The following DAB1 variants were observed in gnomAD, a reference collection of about 807,000 sequenced individuals.
DAB1 encodes the protein DAB adaptor protein 1.
In DAB1, 15 loss-of-function variants were observed where a neutral mutation model predicts 64.6. The ratio of observed to expected loss-of-function variants is 0.23; its 90% CI spans 0.16 to 0.36. The LOEUF is 0.36. DAB1 is among the 10% of genes least tolerant of loss of function. The pLI, the probability that DAB1 is intolerant of heterozygous loss-of-function variation, is 1.00. For synonymous variants in DAB1, 235 were observed against 251.9 expected (o/e 0.93, Z 0.64); for missense variants, 596 against 706.7 (o/e 0.84, Z 1.78).
At chr1:57,690,257 CT>C (rs1394170860) in intron 6 of DAB1, among the ~76,000 whole-genome samples, 1 of 152,114 alleles carries the variant, frequency 6.6e-6, no homozygotes. Context: ...GATTTCCTTT[CT>C]TTGGGTATTG....
intron 5 of DAB1, among the ~76,000 whole-genome samples, chr1:58,070,915 G>A (rs1557636974): frequency 6.6e-6 from 1 of 152,218 alleles, no homozygotes; most frequent in Non-Finnish European, 1.5e-5. Flanking sequence ...TGAGTGTCAG[G>A]TGCCTGAGAG....
chr1:57,160,259 T>G (rs17541203), intron 2 of DAB1, among the ~76,000 whole-genome samples: 3 of 152,178 alleles, frequency 2.0e-5, no homozygotes, highest in African/African-American at 7.2e-5. Context: ...TTAAACAATA[T>G]GTAAGTTCTT....
intron 7 of DAB1, among the ~76,000 whole-genome samples, chr1:57,516,333 G>A (rs1360512946): frequency 6.6e-6 from 1 of 151,396 alleles, no homozygotes; most frequent in East Asian, 1.9e-4. Context: ...TGAGACACAG[G>A]AAATGATAGC....
At chr1:57,542,625 G>A (rs1385046608) in intron 7 of DAB1, among the ~76,000 whole-genome samples, 3 of 151,878 alleles carry the variant, frequency 2.0e-5, no homozygotes, top group African/African-American at 7.3e-5. Flanking sequence ...TTTATCCAGG[G>A]TTAATGGCAA....
chr1:58,106,301 T>C (rs1213769), intron 5 of DAB1, among the ~76,000 whole-genome samples: 67,847 of 151,732 alleles, frequency 0.45, 18,063 homozygotes, highest in East Asian at 0.93. Context: ...CCTCAGCCTC[T>C]GAAGTATCTA....
At chr1:57,525,709 G>C (rs1446208934) in intron 7 of DAB1, among the ~76,000 whole-genome samples, 1 of 151,712 alleles carries the variant, frequency 6.6e-6, no homozygotes, top group Non-Finnish European at 1.5e-5. Flanking sequence ...CAAGATATAA[G>C]AATATAAGCA....
intron 11 of DAB1, among the ~76,000 whole-genome samples, chr1:57,018,464 T>G (rs1385917052): frequency 6.6e-6 from 1 of 152,242 alleles, no homozygotes; most frequent in Non-Finnish European, 1.5e-5. Flanking sequence ...TGCCTTATAC[T>G]ACAGTTAGAG....
chr1:57,953,631 T>C (rs955391807), intron 5 of DAB1, among the ~76,000 whole-genome samples: 1 of 152,172 alleles, frequency 6.6e-6, no homozygotes, highest in Non-Finnish European at 1.5e-5. Flanking sequence ...TCCATTCTTC[T>C]CCACCTTGCT....
intron 5 of DAB1, among the ~76,000 whole-genome samples, chr1:58,022,738 T>C (rs1646832004): frequency 6.6e-6 from 1 of 152,192 alleles, no homozygotes; most frequent in African/African-American, 2.4e-5. Flanking sequence ...CTACGTAATA[T>C]AATTTGGCAC....
intron 6 of DAB1, among the ~76,000 whole-genome samples, chr1:57,793,760 T>C (rs1650713333): frequency 6.6e-6 from 1 of 152,202 alleles, no homozygotes; most frequent in South Asian, 2.1e-4. Flanking sequence ...AACCTCCTTC[T>C]AGGGTTGTTG....
At chr1:57,660,021 G>A (rs1037879057) in intron 6 of DAB1, among the ~76,000 whole-genome samples, 6 of 116,520 alleles carry the variant, frequency 5.1e-5, no homozygotes, top group African/African-American at 1.8e-4. Context: ...AAATAAATAA[G>A]ATGAAAAGAT....
At chr1:58,546,450 G>T (rs1051952345) in intron 1 of DAB1, among the ~76,000 whole-genome samples, 11 of 151,942 alleles carry the variant, frequency 7.2e-5, no homozygotes, top group African/African-American at 2.7e-4. Context: ...AAGGCTAGGG[G>T]AGAACCGGGC....
At chr1:57,497,248 AATATG>A (rs1283249947) in intron 7 of DAB1, among the ~76,000 whole-genome samples, 1 of 152,184 alleles carries the variant, frequency 6.6e-6, no homozygotes, top group African/African-American at 2.4e-5. Context: ...ATTACTTATT[AATATG>A]ATATGTTTAT....
intron 1 of DAB1, among the ~76,000 whole-genome samples, chr1:57,847,015 A>C (rs1653318111): frequency 6.6e-6 from 1 of 152,224 alleles, no homozygotes; most frequent in Non-Finnish European, 1.5e-5. Context: ...GGGCTAGATA[A>C]GCAGACTGGG....
At chr1:57,460,650 C>G (rs1686751179) in intron 7 of DAB1, among the ~76,000 whole-genome samples, 1 of 152,126 alleles carries the variant, frequency 6.6e-6, no homozygotes, top group Non-Finnish European at 1.5e-5. Context: ...AATATAACAG[C>G]AGGGGAGGAG....
intron 6 of DAB1, among the ~76,000 whole-genome samples, chr1:57,677,854 C>T (rs1246098651): frequency 6.6e-6 from 1 of 152,164 alleles, no homozygotes; most frequent in Non-Finnish European, 1.5e-5. Context: ...CCTCAAGGAG[C>T]TCATAGTTGA....
intron 4 of DAB1, among the ~76,000 whole-genome samples, chr1:58,280,730 G>T (rs926960253): frequency 6.6e-6 from 1 of 152,156 alleles, no homozygotes; most frequent in African/African-American, 2.4e-5. Flanking sequence ...GGAGGAGGAG[G>T]CCACCTGCCC....
chr1:58,097,719 C>A (rs2100624961), intron 5 of DAB1, among the ~76,000 whole-genome samples: 1 of 152,220 alleles, frequency 6.6e-6, no homozygotes, highest in African/African-American at 2.4e-5. Context: ...GGTGTTGGTA[C>A]CAGATGGAGT....
chr1:57,176,652 T>C (rs572579203), intron 2 of DAB1, among the ~76,000 whole-genome samples: 1 of 152,276 alleles, frequency 6.6e-6, no homozygotes, highest in South Asian at 2.1e-4. Context: ...TCTGTATTAC[T>C]AGGACAATTT....
Sources: allele counts gnomAD v4.1 joint callset (sites outside exome capture counted in the v4.1 genomes callset), GRCh38; gene constraint gnomAD v4.1.1; transcripts MANE v1.5; gene names NCBI Gene and HGNC (gene_info 2026-07-23, HGNC 2026-07-21).